The following ZNF638 variants were observed in gnomAD, a reference collection of about 807,000 sequenced individuals.
ZNF638 encodes the protein CTCL tumor antigen se33-1.
A neutral mutation model predicts 195.6 loss-of-function variants in ZNF638; 46 were observed. The observed-to-expected ratio is 0.24, with a 90% CI of 0.19 to 0.30. The LOEUF is 0.30. ZNF638 is among the 10% of genes least tolerant of loss of function. The pLI is 1.00. For synonymous variants in ZNF638, 845 were observed against 772.0 expected, an observed-to-expected ratio of 1.09 and a Z score of -1.57; for missense variants, 2,440 against 2,325.3, an observed-to-expected ratio of 1.05 and a Z score of -1.01.
intron 6 of ZNF638, 78 bp from the exon 7 acceptor site, chr2:71,368,304 G>A: frequency 7.1e-7 from 1 of 1,399,766 alleles, no homozygotes. Flanking sequence ...AGTGGTAGAA[G>A]AAATTATATA....
In ZNF638 at chr2:71,399,540, C is replaced by T; in HGVS notation, c.2501-19C>T. On this transcript the variant is annotated intron_variant, in intron 12 of 27. Coordinates refer to ENST00000264447, the MANE Select transcript of ZNF638 (RefSeq NM_014497.5). ...TTTAACAAGACCTTTAGAATAATGG[C>T]TGACTGTACTTTTACAAGCAAAATC... 1 of 1,564,434 alleles carries T rather than the reference C, an allele frequency of 6.4e-7. No homozygotes were observed.
chr2:71,368,709 GTGTT>G (rs929841937), intron 7 of ZNF638, among the ~76,000 whole-genome samples, 181 bp downstream of exon 7: 4 of 152,176 alleles, frequency 2.6e-5, no homozygotes, highest in Non-Finnish European at 5.9e-5. Flanking sequence ...TTTAAAATAA[GTGTT>G]TGCCCACTTT....
intron 2 of ZNF638, 43 bp downstream of exon 2, chr2:71,350,314 C>A: frequency 6.5e-7 from 1 of 1,547,922 alleles, no homozygotes. Context: ...TGATGCTCAG[C>A]GCCAGTTTTC....
chr2:71,343,856 CGCG>C (rs1558829286), intron 1 of ZNF638, among the ~76,000 whole-genome samples: 3 of 115,252 alleles, frequency 2.6e-5, no homozygotes, highest in Non-Finnish European at 6.5e-5. Flanking sequence ...TGCCGCCAGG[CGCG>C]GTGGCTCATG....
At chr2:71,418,524 A>T in intron 20 of ZNF638, 78 bp from the exon 21 acceptor site, 1 of 1,014,734 alleles carries the variant, frequency 9.9e-7, no homozygotes, top group South Asian at 2.1e-5. Context: ...TTAAATTTTT[A>T]CTAAAAACAT....
intron 18 of ZNF638, 76 bp from the exon 19 acceptor site, chr2:71,406,052 A>G (rs2080099351): frequency 4.6e-6 from 7 of 1,534,966 alleles, no homozygotes; most frequent in Admixed American, 3.5e-5. Flanking sequence ...CTGTAATAGT[A>G]AGTTAATGTT....
chr2:71,400,771 T>C (rs2079990838), intron 15 of ZNF638, among the ~76,000 whole-genome samples: 1 of 152,178 alleles, frequency 6.6e-6, no homozygotes, highest in Non-Finnish European at 1.5e-5. Flanking sequence ...TTTTTGAAGA[T>C]TACTTTTCAT....
Position 71,423,630 on chromosome 2 carries a change from G to A in ZNF638, c.4116G>A (p.Lys1372=). The A allele has an allele frequency of 6.2e-7, 1 of 1,613,810 alleles. No individual in the cohort carries two copies. Among genetic ancestry groups the A allele is most frequent in the Non-Finnish European group, 8.5e-7 (1 of 1,179,966 alleles). The stretch of plus-strand genomic sequence containing the variant: ...ATAAAGGAGTGGGTCAGGCTAATAA[G>A]CCTGATGAAACTAGTAAAACTAGTA... The part of the protein sequence containing the change: ...YPNKGVGQAN[K]PDETSKTSIL... Residue 1372 remains lysine (K), a synonymous_variant, in exon 22 of 28, where the codon AAG becomes AAA. Transcript: ENST00000264447.
intron 1 of ZNF638, among the ~76,000 whole-genome samples, chr2:71,344,971 T>C (rs2078826299): frequency 6.6e-6 from 1 of 152,208 alleles, no homozygotes. Flanking sequence ...AAATGAAATA[T>C]GAGTATACAG....
In ZNF638 at chr2:71,422,913, C is replaced by T. The variant is rs762572052; in HGVS notation, c.3399C>T (p.Pro1133=). 4.3e-6 allele frequency: 7 copies of T among 1,614,076 alleles called. No individual in the cohort carries two copies. In the South Asian group the frequency reaches 7.7e-5, roughly 18 times the overall value. Residue 1133 remains proline, a synonymous_variant, in exon 22 of 28, where the codon CCC becomes CCT. Transcript: ENST00000264447. Reference sequence around the variant, plus strand: ...ATGAGCTTGAAGAAGAAAGTACTCCCAGCATTCAAACAGAAACTTTGGTAC... The same window carrying T: ...ATGAGCTTGAAGAAGAAAGTACTCCTAGCATTCAAACAGAAACTTTGGTAC... ...KPNELEEEST[P]SIQTETLVQQ...
At chr2:71,336,400 A>C (rs989163536) in intron 1 of ZNF638, among the ~76,000 whole-genome samples, 78 of 141,178 alleles carry the variant, frequency 5.5e-4, no homozygotes, top group African/African-American at 1.8e-3. Flanking sequence ...AAAAAAAAAA[A>C]CCAAAAAAAC....
chr2:71,364,190 G>A lies in ZNF638; in HGVS notation c.1655G>A (p.Ser552Asn), dbSNP rs998320081. 1.2e-6 allele frequency: 2 copies of A among 1,614,170 alleles called. No individual in the cohort carries two copies. The highest frequency in any genetic ancestry group is 2.2e-5 in the South Asian group (2 of 91,082). ...CGAATTAGAAATCCATTTAGAGGTA[G>A]TCCAAAATGCTTTCGATCAGTTAGC... is the stretch of plus-strand genomic sequence containing the variant. Reference protein sequence around the residue: ...PYRIRNPFRGSPKCFRSVSPE... With the variant: ...PYRIRNPFRGNPKCFRSVSPE... Residue 552 changes from serine (S) to asparagine (N), a missense_variant, in exon 5 of 28, where the codon AGT (serine) becomes AAT (asparagine). Physicochemically the swap from Ser to Asn is conservative, Grantham distance 46. This residue lies in a region of ZNF638 where 1,883 missense variants were observed against 1,739.1 expected (regional missense o/e 1.08). Coordinates refer to ENST00000264447, the MANE Select transcript of ZNF638 (RefSeq NM_014497.5).
chr2:71,377,755 A>G (rs2079459241), intron 8 of ZNF638, among the ~76,000 whole-genome samples: 1 of 152,226 alleles, frequency 6.6e-6, no homozygotes, highest in South Asian at 2.1e-4. Context: ...ATCTGTACAT[A>G]AGTGGAATTC....
intron 10 of ZNF638, chr2:71,393,788 A>C (rs984303646): frequency 1.6e-6 from 1 of 617,424 alleles, no homozygotes; most frequent in Middle Eastern, 3.7e-4. Flanking sequence ...CCAGCCTCTA[A>C]TAACGTTAAC....
rs779036664 is a variant in ZNF638, at chr2:71,408,128, C to T, written c.3142C>T (p.Leu1048Phe). The T allele has an allele frequency of 1.9e-6, 3 of 1,604,588 alleles. No homozygotes were observed. The highest frequency in any genetic ancestry group is 2.5e-6 in the Non-Finnish European group (3 of 1,177,182). The stretch of plus-strand genomic sequence containing the variant: ...TTTTTAATCTTCTCCAAAGGCAATT[C>T]TTCAGTTAGATAGTCCTGAATCTGC... ...VFISNRNKAI[L>F]QLDSPESAQS... Residue 1048 changes from leucine (L) to phenylalanine (F), a missense_variant, in exon 20 of 28, where the codon CTT becomes TTT. This residue lies in a region of ZNF638 where 1,883 missense variants were observed against 1,739.1 expected (regional missense o/e 1.08). Coordinates refer to ENST00000264447, the MANE Select transcript of ZNF638 (RefSeq NM_014497.5).
intron 2 of ZNF638, among the ~76,000 whole-genome samples, chr2:71,350,805 C>T (rs1269377836): frequency 2.0e-5 from 3 of 152,064 alleles, no homozygotes; most frequent in Non-Finnish European, 4.4e-5. Context: ...TCTAAAATAA[C>T]TTCATAGCAA....
intron 27 of ZNF638, among the ~76,000 whole-genome samples, chr2:71,434,108 A>G (rs544065560): frequency 6.6e-6 from 1 of 152,270 alleles, no homozygotes; most frequent in East Asian, 1.9e-4. Flanking sequence ...ACTTGGTCTA[A>G]TATCCAAACT....
intron 1 of ZNF638, among the ~76,000 whole-genome samples, chr2:71,334,952 G>T (rs1227863331): frequency 6.6e-6 from 1 of 152,038 alleles, no homozygotes; most frequent in Non-Finnish European, 1.5e-5. Context: ...CTCCGGTGAG[G>T]GTTAAGAATA....
chr2:71,349,439 A>T lies in ZNF638; in HGVS notation c.485A>T (p.Asp162Val). ...EDLEELSRYP[D>V]EQLTPENMPL... Reference sequence around the variant, plus strand: ...CTAGAAGAACTTAGTCGCTATCCTGATGAACAACTAACTCCTGAAAATATG... The same window carrying T: ...CTAGAAGAACTTAGTCGCTATCCTGTTGAACAACTAACTCCTGAAAATATG... The change falls in exon 2 of 28, where the codon GAT becomes GTT. Residue 162 changes from aspartate (D) to valine (V), a missense_variant. Transcript: ENST00000264447. The T allele has an allele frequency of 6.2e-7, 1 of 1,614,194 alleles. No individual in the cohort carries two copies.
Sources: gnomAD v4.1 joint callset for allele counts (sites outside exome capture counted in the v4.1 genomes callset) on GRCh38, gnomAD v4.1.1 for gene constraint, gnomAD v4.1.1 regional missense constraint, MANE v1.5 for transcripts, NCBI Gene and HGNC (gene_info 2026-07-23, HGNC 2026-07-21) for gene names.